SGK1: variants seen among roughly 807,000 people sequenced by gnomAD.
SGK1 encodes the protein serine/threonine-protein kinase Sgk1.
In SGK1, 26 loss-of-function variants were observed where a neutral mutation model predicts 64.2. That is an observed-to-expected ratio of 0.40 (90% CI 0.30 to 0.56). The LOEUF (loss-of-function observed/expected upper bound fraction) is 0.56. Ranked by LOEUF, SGK1 falls within the 20% of genes least tolerant of loss-of-function variation. The pLI is 0.38. For missense variants in SGK1, 519 were observed against 645.6 expected, an observed-to-expected ratio of 0.80 and a Z score of 2.12; for synonymous variants, 265 against 239.7, an observed-to-expected ratio of 1.11 and a Z score of -0.98.
chr6:134,202,677 A>T (rs994589102), intron 3 of SGK1, among the ~76,000 whole-genome samples: 3 of 152,118 alleles, frequency 2.0e-5, no homozygotes, highest in Non-Finnish European at 4.4e-5. Flanking sequence ...GAAAAAAAAG[A>T]AATCCTAAAG....
intron 3 of SGK1, among the ~76,000 whole-genome samples, chr6:134,182,514 TAAAG>T (rs1250719356): frequency 2.7e-5 from 4 of 146,696 alleles, no homozygotes; most frequent in South Asian, 2.2e-4. Context: ...AAAAAGGAAA[TAAAG>T]AATTTAGTAA....
At chr6:134,171,574 G>C (rs1462151575) in intron 11 of SGK1, 63 bp downstream of exon 11, 1 of 1,164,500 alleles carries the variant, frequency 8.6e-7, no homozygotes, top group Non-Finnish European at 1.3e-6. Flanking sequence ...CCAAGCATGG[G>C]CTGTGTGAAG....
chr6:134,239,702 G>A (rs1562261730), intron 2 of SGK1, among the ~76,000 whole-genome samples: 1 of 152,190 alleles, frequency 6.6e-6, no homozygotes. Flanking sequence ...TCATTGAGGG[G>A]ACAAGGTTGC....
intron 2 of SGK1, among the ~76,000 whole-genome samples, chr6:134,243,846 T>C (rs1009289189): frequency 2.0e-5 from 3 of 152,204 alleles, no homozygotes; most frequent in African/African-American, 7.2e-5. Context: ...TAAGCTCCAT[T>C]GCATTTTTAT....
chr6:134,212,872 T>C (rs992445165), intron 2 of SGK1, among the ~76,000 whole-genome samples: 1 of 152,222 alleles, frequency 6.6e-6, no homozygotes, highest in Non-Finnish European at 1.5e-5. Context: ...CCAGTTACCT[T>C]GTTTCCTTGA....
intron 1 of SGK1, among the ~76,000 whole-genome samples, chr6:134,269,974 C>T (rs911186430): frequency 4.1e-5 from 6 of 146,848 alleles, no homozygotes; most frequent in Admixed American, 6.9e-5. Flanking sequence ...CAGGCTGGAG[C>T]GCAATGGCGC....
At position 134,173,369 on chromosome 6, in the gene SGK1, A is replaced by G. The variant is rs1212010101; in HGVS notation, c.619-12T>C. Reference sequence around the variant, plus strand: ...CTTGCTAGAAGAACCTGAAATTTCAATTTAAAAAAATCATTTTTCTATCCT... The same window carrying G: ...CTTGCTAGAAGAACCTGAAATTTCAGTTTAAAAAAATCATTTTTCTATCCT... On this transcript the variant is annotated splice_polypyrimidine_tract_variant and intron_variant, in intron 6 of 13. Coordinates refer to ENST00000367858, the MANE Select transcript of SGK1 (RefSeq NM_001143676.3). 6.2e-7 allele frequency: 1 copy of G among 1,608,174 alleles called. No individual in the cohort carries two copies. The highest frequency in any genetic ancestry group is 8.5e-7 in the Non-Finnish European group (1 of 1,175,336).
chr6:134,225,219 T>C (rs1230127762), intron 2 of SGK1, among the ~76,000 whole-genome samples: 3 of 149,706 alleles, frequency 2.0e-5, no homozygotes, highest in Non-Finnish European at 4.4e-5. Flanking sequence ...GGTGTGGTGG[T>C]GCATGCCTGT....
intron 2 of SGK1, among the ~76,000 whole-genome samples, chr6:134,238,854 C>A (rs773267571): frequency 7.2e-5 from 11 of 152,120 alleles, no homozygotes; most frequent in Non-Finnish European, 1.5e-4. Flanking sequence ...AAGGAGATGC[C>A]ATGAACTGTG....
intron 2 of SGK1, among the ~76,000 whole-genome samples, chr6:134,232,484 A>AAAGAAAGAAAGAAAGAAAGG (rs1776305295): frequency 7.5e-6 from 1 of 132,556 alleles, no homozygotes; most frequent in African/African-American, 3.2e-5. Context: ...AGAAAGAAAG[A>AAAGAAAGAAAGAAAGAAAGG]GAAAGAAAAA....
intron 1 of SGK1, 46 bp from the exon 2 acceptor site, chr6:134,262,194 T>C: frequency 7.2e-7 from 1 of 1,390,062 alleles, no homozygotes; most frequent in Non-Finnish European, 9.9e-7. Context: ...TTTGACTCCC[T>C]TTGATGTTTA....
intron 2 of SGK1, 144 bp from the exon 3 acceptor site, chr6:134,207,575 A>C: frequency 1.5e-6 from 1 of 652,648 alleles, no homozygotes; most frequent in Non-Finnish European, 2.7e-6. Context: ...TGGTTTTCTC[A>C]GGACCGTGCT....
At chr6:134,233,847 G>A (rs1302266200) in intron 2 of SGK1, among the ~76,000 whole-genome samples, 1 of 147,826 alleles carries the variant, frequency 6.8e-6, no homozygotes, top group African/African-American at 2.5e-5. Context: ...GAAAAACACA[G>A]AACTGGAAAA....
At chr6:134,274,492 C>G (rs1417490323) in intron 1 of SGK1, among the ~76,000 whole-genome samples, 2 of 152,130 alleles carry the variant, frequency 1.3e-5, no homozygotes, top group Non-Finnish European at 2.9e-5. Context: ...TCCTCTTCTC[C>G]ATCCAAGTAC....
intron 1 of SGK1, chr6:134,297,696 T>G: frequency 4.5e-6 from 2 of 441,810 alleles, no homozygotes; most frequent in Non-Finnish European, 8.5e-6. Flanking sequence ...AGAGACAGGG[T>G]TTCACCCTGT....
Position 134,232,425 on chromosome 6 carries a change from A to AAGAGAGAGAGAGAGAG in SGK1, c.286-24995_286-24994insCTCTCTCTCTCTCTCT, listed in dbSNP as rs71003683. Among the ~76,000 whole-genome samples, 144 of 42,026 alleles carry AAGAGAGAGAGAGAGAG rather than the reference A, an allele frequency of 3.4e-3. 14 individuals carry two copies. The highest frequency in any genetic ancestry group is 0.013 in the African/African-American group (138 of 11,018). 27.6% of individuals were successfully genotyped at this position (42,026 alleles called of 152,430 possible). On this transcript the variant is annotated intron_variant, in intron 2 of 13. Transcript: ENST00000367858. ...AAAAAGAAAGAAAGAGAAAGAAAGA[A>AAGAGAGAGAGAGAGAG]AGAAAGAAAGAAAGAAAGAAAGAAA...
At chr6:134,304,880 A>G (rs1777511978) in intron 1 of SGK1, among the ~76,000 whole-genome samples, 1 of 152,232 alleles carries the variant, frequency 6.6e-6, no homozygotes, top group Non-Finnish European at 1.5e-5. Flanking sequence ...TGAAATTTAT[A>G]TTTAAATTTA....
At chr6:134,174,177 G>T in intron 4 of SGK1, 97 bp from the exon 5 acceptor site, 1 of 831,568 alleles carries the variant, frequency 1.2e-6, no homozygotes, top group Non-Finnish European at 2.0e-6. Context: ...CTTCTACCCG[G>T]ATAATTCACT....
At chr6:134,194,332 G>A (rs1056477651) in intron 3 of SGK1, among the ~76,000 whole-genome samples, 5 of 152,058 alleles carry the variant, frequency 3.3e-5, no homozygotes, top group Non-Finnish European at 5.9e-5. Context: ...GCCCAAATAA[G>A]GCAAATTTGG....
Sources: allele counts gnomAD v4.1 joint callset (sites outside exome capture counted in the v4.1 genomes callset), GRCh38; gene constraint gnomAD v4.1.1; transcripts MANE v1.5; gene names NCBI Gene and HGNC (gene_info 2026-07-23, HGNC 2026-07-21).